Variants in TOLLIP observed in about 807,000 individuals in gnomAD.
TOLLIP encodes the protein toll-interacting protein.
A neutral mutation model predicts 33.5 loss-of-function variants in TOLLIP; 16 were observed. The observed-to-expected ratio is 0.48, with a 90% CI of 0.32 to 0.72. The LOEUF (loss-of-function observed/expected upper bound fraction) is 0.72, where lower values mean the gene tolerates loss of function less well. Among genes scored for constraint, TOLLIP ranks in the 30% least tolerant of loss-of-function variants. The probability of loss-of-function intolerance (pLI) is 0.03; values close to 1 mark genes in which losing one functional copy is unlikely to be tolerated. For missense variants in TOLLIP, 325 were observed against 396.6 expected (o/e 0.82, Z 1.53); for synonymous variants, 176 against 163.7 (o/e 1.07, Z -0.57).
rs760715472 is a variant in TOLLIP, at chr11:1,275,619, C to G, written c.*1420G>C. Reference sequence around the variant, plus strand: ...GCCTGCTGCCAGCATGTCCCTCCCCCACGGCCACCACACACTTCAAGTTTA... The same window carrying G: ...GCCTGCTGCCAGCATGTCCCTCCCCGACGGCCACCACACACTTCAAGTTTA... On this transcript the variant is annotated 3_prime_UTR_variant, in exon 6 of 6. Coordinates refer to ENST00000317204, the MANE Select transcript of TOLLIP (RefSeq NM_019009.4). The G allele has an allele frequency of 6.6e-6, 1 of 152,168 alleles. No individual in the cohort carries two copies. The highest frequency in any genetic ancestry group is 1.5e-5 in the Non-Finnish European group (1 of 68,036). 9.4% of individuals were successfully genotyped at this position (152,168 alleles called of 1,614,324 possible). A position where few individuals can be genotyped will look rare whatever the true frequency, so the allele number is the denominator to read the frequency against.
chr11:1,301,792 G>T (rs1864285543), intron 1 of TOLLIP, among the ~76,000 whole-genome samples: 2 of 152,232 alleles, frequency 1.3e-5, no homozygotes, highest in African/African-American at 4.8e-5. Flanking sequence ...CCCACAGCAG[G>T]AAGACCTGGG....
Position 1,277,792 on chromosome 11 carries a change from G to A in TOLLIP, c.611-539C>T, listed in dbSNP as rs1863358996. Among the ~76,000 whole-genome samples, 1 of 152,152 alleles carries A rather than the reference G, an allele frequency of 6.6e-6. No homozygotes were observed. On this transcript the variant is annotated intron_variant, in intron 5 of 5. Transcript: ENST00000317204. The surrounding 1 kb of genome is among the most constrained non-coding windows in gnomAD (Gnocchi z 4.2). ...TGTCACTAAACTGTGTGCCGGTGGG[G>A]AACAATCACCACAGGCACTGAAGAC...
In TOLLIP at chr11:1,309,552, C is replaced by G; in HGVS notation, c.-54G>C. The G allele has an allele frequency of 8.6e-7, 1 of 1,156,558 alleles. No homozygotes were observed. The highest frequency in any genetic ancestry group is 1.1e-6 in the Non-Finnish European group (1 of 906,294). The allele number at this position is 1,156,558 out of a possible 1,614,324, so 71.6% of individuals were successfully genotyped here. ...GACCCGACAGTGACGCGCCGGGCGA[C>G]CTCCTGCGCCCCCGCCGGAGCCTGC... On this transcript the variant is annotated 5_prime_UTR_variant, in exon 1 of 6. Transcript: ENST00000317204.
intron 1 of TOLLIP, among the ~76,000 whole-genome samples, chr11:1,296,550 G>A (rs956704922): frequency 6.7e-6 from 1 of 149,694 alleles, no homozygotes; most frequent in African/African-American, 2.5e-5. Context: ...TGGTGGAGTG[G>A]GGTGGAGGCC....
intron 2 of TOLLIP, among the ~76,000 whole-genome samples, chr11:1,291,344 C>G (rs1397255940): frequency 6.6e-6 from 1 of 152,152 alleles, no homozygotes; most frequent in African/African-American, 2.4e-5. Context: ...CCGGCTCACC[C>G]CCAGGAGCTG....
Position 1,303,621 on chromosome 11 carries a change from G to A in TOLLIP, c.33+5845C>T, listed in dbSNP as rs1168480652. Among the ~76,000 whole-genome samples the A allele has an allele frequency of 7.2e-5, 11 of 152,236 alleles. No homozygotes were observed. Among genetic ancestry groups the A allele is most frequent in the Admixed American group, 5.2e-4 (8 of 15,288 alleles). On this transcript the variant is annotated intron_variant, in intron 1 of 5. Transcript: ENST00000317204. This position sits in a 1 kb window ranked among gnomAD's most constrained non-coding sequence, Gnocchi z 4.2. ...GCAGCAAGGCAGGCCTCACCAGCAC[G>A]GTGCCAGGGCAGGGCCCGCAGGATC...
chr11:1,309,549 C>A lies in TOLLIP; in HGVS notation c.-51G>T, dbSNP rs1288832777. 30 of 1,182,962 alleles carry A rather than the reference C, an allele frequency of 2.5e-5. No individual in the cohort carries two copies. The highest frequency in any genetic ancestry group is 4.8e-5 in the African/African-American group (3 of 62,172). 73.3% of individuals were successfully genotyped at this position (1,182,962 alleles called of 1,614,324 possible). ...GCCGACCCGACAGTGACGCGCCGGG[C>A]GACCTCCTGCGCCCCCGCCGGAGCC... On this transcript the variant is annotated 5_prime_UTR_variant, in exon 1 of 6. Transcript: ENST00000317204.
At chr11:1,306,986 C>T (rs955279259) in intron 1 of TOLLIP, among the ~76,000 whole-genome samples, 3 of 151,984 alleles carry the variant, frequency 2.0e-5, no homozygotes, top group Admixed American at 6.5e-5. Context: ...CAGCACCTGA[C>T]GCTTAAGATC....
chr11:1,282,052 A>G (rs958885189), intron 5 of TOLLIP, among the ~76,000 whole-genome samples: 17 of 152,102 alleles, frequency 1.1e-4, no homozygotes, highest in South Asian at 2.1e-4. Context: ...TTCACACTCT[A>G]CAGTACTGCT....
intron 2 of TOLLIP, among the ~76,000 whole-genome samples, chr11:1,291,405 G>A (rs921249229): frequency 2.3e-5 from 3 of 129,120 alleles, no homozygotes; most frequent in South Asian, 2.9e-4. Context: ...CATGGAGCCC[G>A]CCAGTTCCTC....
chr11:1,279,459 A>C (rs1271841147), intron 5 of TOLLIP, among the ~76,000 whole-genome samples: 2 of 152,236 alleles, frequency 1.3e-5, no homozygotes, highest in Non-Finnish European at 2.9e-5. Context: ...AGGAGGACAG[A>C]CCAGGAGCTC....
chr11:1,298,756 C>T (rs746556447), intron 1 of TOLLIP, among the ~76,000 whole-genome samples: 6 of 152,266 alleles, frequency 3.9e-5, no homozygotes, highest in Non-Finnish European at 7.3e-5. Flanking sequence ...GGACCGCAGC[C>T]AGCGCCATGT....
At chr11:1,292,692 C>G (rs901330478) in intron 2 of TOLLIP, among the ~76,000 whole-genome samples, 2 of 151,926 alleles carry the variant, frequency 1.3e-5, no homozygotes, top group African/African-American at 4.8e-5. Flanking sequence ...GCACCGCTGC[C>G]TCCCCCACAA....
intron 5 of TOLLIP, chr11:1,283,371 C>T (rs1047532026): frequency 2.8e-5 from 10 of 351,012 alleles, no homozygotes; most frequent in East Asian, 7.8e-5. Flanking sequence ...CGGACTCAGA[C>T]GGGCTCCAAG....
At chr11:1,306,422 C>T (rs1786493343) in intron 1 of TOLLIP, among the ~76,000 whole-genome samples, 1 of 152,112 alleles carries the variant, frequency 6.6e-6, no homozygotes, top group Non-Finnish European at 1.5e-5. Context: ...GGCTAGACCA[C>T]AGTCAGGGTC....
intron 5 of TOLLIP, chr11:1,283,645 C>G (rs915648617): frequency 2.2e-6 from 1 of 446,298 alleles, no homozygotes; most frequent in Non-Finnish European, 4.5e-6. Context: ...CTAAAATAAA[C>G]GTTTTAGAGC....
At chr11:1,286,635 TC>T (rs1252501837) in intron 4 of TOLLIP, among the ~76,000 whole-genome samples, 8 of 148,230 alleles carry the variant, frequency 5.4e-5, no homozygotes, top group Admixed American at 2.0e-4. Context: ...CACTGCTGTC[TC>T]CTGAGTTCAA....
At chr11:1,304,216 A>C (rs1864363201) in intron 1 of TOLLIP, among the ~76,000 whole-genome samples, 3 of 152,114 alleles carry the variant, frequency 2.0e-5, no homozygotes, top group Admixed American at 2.0e-4. Context: ...CCTTCGAGGC[A>C]CTGAGGACAA....
intron 1 of TOLLIP, chr11:1,298,522 G>A: frequency 6.6e-6 from 1 of 152,402 alleles, no homozygotes; most frequent in Non-Finnish European, 1.5e-5. Flanking sequence ...TCCTTGCTCT[G>A]CACTCTTTAG....
Sources: allele counts gnomAD v4.1 joint callset (sites outside exome capture counted in the v4.1 genomes callset), GRCh38; gene constraint gnomAD v4.1.1; non-coding constraint Gnocchi (gnomAD v3.1); transcripts MANE v1.5; gene names NCBI Gene and HGNC (gene_info 2026-07-23, HGNC 2026-07-21).